The following GNB1 variants were observed in gnomAD, a reference collection of about 807,000 sequenced individuals.
GNB1 encodes the protein G protein subunit beta 1.
A neutral mutation model predicts 42.9 loss-of-function variants in GNB1; 2 were observed. The observed-to-expected ratio is 0.05, with a 90% CI of 0.02 to 0.15. GNB1 has a LOEUF of 0.15. Among genes scored for constraint, GNB1 ranks in the 10% least tolerant of loss-of-function variants. The pLI, the probability that GNB1 is intolerant of heterozygous loss-of-function variation, is 1.00. For synonymous variants in GNB1, 183 were observed against 174.7 expected (o/e 1.05, Z -0.38); for missense variants, 193 against 462.2 (o/e 0.42, Z 5.34).
At chr1:1,822,366 C>T (rs1460587815) in intron 3 of GNB1, among the ~76,000 whole-genome samples, 3 of 150,088 alleles carry the variant, frequency 2.0e-5, no homozygotes, top group East Asian at 2.0e-4. Context: ...TGCAGTGGCG[C>T]GCTCTCGCCT....
At chr1:1,835,699 A>C (rs1647137090) in intron 2 of GNB1, among the ~76,000 whole-genome samples, 1 of 152,130 alleles carries the variant, frequency 6.6e-6, no homozygotes, top group Non-Finnish European at 1.5e-5. Flanking sequence ...CTTTATGAGA[A>C]CATCTGCTTT....
intron 2 of GNB1, among the ~76,000 whole-genome samples, chr1:1,832,536 C>T (rs60537848): frequency 6.6e-6 from 1 of 152,326 alleles, no homozygotes; most frequent in Admixed American, 6.5e-5. Context: ...GGATCTGCCC[C>T]TACTTTAGAA....
chr1:1,849,410 G>A (rs1647858881), intron 1 of GNB1, among the ~76,000 whole-genome samples: 3 of 152,162 alleles, frequency 2.0e-5, no homozygotes, highest in Non-Finnish European at 1.5e-5. Flanking sequence ...ACTTTTGTCT[G>A]AGGAAGTCTT....
At chr1:1,870,743 T>C (rs1649202264) in intron 1 of GNB1, among the ~76,000 whole-genome samples, 1 of 152,122 alleles carries the variant, frequency 6.6e-6, no homozygotes, top group Admixed American at 6.5e-5. Flanking sequence ...AAGACCAGCC[T>C]GACCAACAGG....
At chr1:1,815,028 C>G (rs1036336325) in intron 5 of GNB1, among the ~76,000 whole-genome samples, 2 of 150,378 alleles carry the variant, frequency 1.3e-5, no homozygotes, top group Non-Finnish European at 1.5e-5. Context: ...AGGAGAATGG[C>G]GTGAACCCGG....
rs1286920045 is a variant in GNB1 at position 1,786,140 on chromosome 1, T to C, written c.*923A>G. 1.8e-5 allele frequency: 7 copies of C among 398,528 alleles called. No individual in the cohort carries two copies. The highest frequency in any genetic ancestry group is 8.8e-5 in the Admixed American group (2 of 22,694). The allele number at this position is 398,528 out of a possible 1,614,324, so 24.7% of individuals were successfully genotyped here. A position where few individuals can be genotyped will look rare whatever the true frequency, so the allele number is the denominator to read the frequency against. Reference sequence around the variant, plus strand: ...TGTACATTGTTTCATACACAAATAATTGACTGACTATCCAAGCACAGGACA... The same window carrying C: ...TGTACATTGTTTCATACACAAATAACTGACTGACTATCCAAGCACAGGACA... On this transcript the variant is annotated 3_prime_UTR_variant, in exon 12 of 12. Coordinates refer to ENST00000378609, the MANE Select transcript of GNB1 (RefSeq NM_002074.5).
intron 2 of GNB1, among the ~76,000 whole-genome samples, chr1:1,831,303 C>T (rs1647072400): frequency 6.6e-6 from 1 of 152,096 alleles, no homozygotes; most frequent in African/African-American, 2.4e-5. Flanking sequence ...CACCACTGCA[C>T]TCCAATCTGG....
chr1:1,877,526 C>T (rs920169321), intron 1 of GNB1, among the ~76,000 whole-genome samples: 1 of 151,970 alleles, frequency 6.6e-6, no homozygotes, highest in East Asian at 1.9e-4. Flanking sequence ...AAAATAGAGA[C>T]AGGGTCTAGC....
chr1:1,822,603 C>T (rs1570670929), intron 3 of GNB1, among the ~76,000 whole-genome samples: 2 of 152,152 alleles, frequency 1.3e-5, no homozygotes, highest in African/African-American at 4.8e-5. Context: ...GCGTCAGCCA[C>T]CGCGCCCGAC....
At chr1:1,889,797 G>A (rs1345778827) in intron 1 of GNB1, among the ~76,000 whole-genome samples, 1 of 151,968 alleles carries the variant, frequency 6.6e-6, no homozygotes, top group Non-Finnish European at 1.5e-5. Flanking sequence ...CGATTCACAA[G>A]AAAAAATATA....
At chr1:1,869,421 C>G (rs1357731217) in intron 1 of GNB1, among the ~76,000 whole-genome samples, 4 of 152,078 alleles carry the variant, frequency 2.6e-5, no homozygotes, top group African/African-American at 9.7e-5. Context: ...CAGGGTGGAC[C>G]TCAGCCCCCA....
intron 1 of GNB1, among the ~76,000 whole-genome samples, chr1:1,868,291 T>C (rs1390325329): frequency 6.6e-6 from 1 of 152,130 alleles, no homozygotes; most frequent in Non-Finnish European, 1.5e-5. Flanking sequence ...TTCTCCTGCC[T>C]CAGCCTCCCG....
At chr1:1,815,629 A>T in intron 5 of GNB1, 127 bp downstream of exon 5, 1 of 618,124 alleles carries the variant, frequency 1.6e-6, no homozygotes, top group Non-Finnish European at 2.9e-6. Flanking sequence ...GCGTGCCCAG[A>T]GTTCTGATTC....
intron 5 of GNB1, among the ~76,000 whole-genome samples, chr1:1,812,842 C>G (rs1646801382): frequency 6.7e-6 from 1 of 149,974 alleles, no homozygotes; most frequent in African/African-American, 2.5e-5. Flanking sequence ...AGCCCCCAGC[C>G]CCACCTCCAC....
At chr1:1,876,803 A>G (rs1226929276) in intron 1 of GNB1, among the ~76,000 whole-genome samples, 6 of 152,142 alleles carry the variant, frequency 3.9e-5, no homozygotes, top group Admixed American at 3.9e-4. Flanking sequence ...TCCTCACAAC[A>G]ATCCTGGAAG....
intron 3 of GNB1, among the ~76,000 whole-genome samples, chr1:1,821,097 T>G (rs1646925106): frequency 6.6e-6 from 1 of 152,226 alleles, no homozygotes. Flanking sequence ...CTTTTTGGAT[T>G]TGTCAAATGA....
intron 1 of GNB1, among the ~76,000 whole-genome samples, chr1:1,873,722 G>A (rs1317087003): frequency 1.3e-5 from 2 of 152,164 alleles, no homozygotes; most frequent in African/African-American, 4.8e-5. Flanking sequence ...GGAGGCTGAG[G>A]CAGAAGAATT....
intron 1 of GNB1, among the ~76,000 whole-genome samples, chr1:1,842,221 C>A (rs11260619): frequency 3.3e-5 from 5 of 151,878 alleles, no homozygotes; most frequent in East Asian, 1.9e-4. Flanking sequence ...ACAAGGTCAG[C>A]AGATTGAGAC....
chr1:1,859,904 G>C (rs997405443), intron 1 of GNB1, among the ~76,000 whole-genome samples: 1 of 151,970 alleles, frequency 6.6e-6, no homozygotes, highest in Non-Finnish European at 1.5e-5. Context: ...TTTGTTGTGG[G>C]GTGGGGGGAG....
Sources: gnomAD v4.1 joint callset for allele counts (sites outside exome capture counted in the v4.1 genomes callset) on GRCh38, gnomAD v4.1.1 for gene constraint, MANE v1.5 for transcripts, NCBI Gene and HGNC (gene_info 2026-07-23, HGNC 2026-07-21) for gene names.